Variants in PTPN13 observed in about 807,000 individuals in gnomAD.
PTPN13 encodes protein tyrosine phosphatase non-receptor type 13, also known as tyrosine-protein phosphatase non-receptor type 13.
A neutral mutation model predicts 284.0 loss-of-function variants in PTPN13; 191 were observed. The ratio of observed to expected loss-of-function variants is 0.67; its 90% CI spans 0.60 to 0.76. The LOEUF is 0.76. PTPN13 is among the 30% of genes least tolerant of loss of function. The pLI is 0.00. For synonymous variants in PTPN13, 986 were observed against 1,022.3 expected (o/e 0.96, Z 0.68); for missense variants, 2,797 against 2,939.9 (o/e 0.95, Z 1.12).
At chr4:86,637,861 A>G (rs1227625846) in intron 2 of PTPN13, among the ~76,000 whole-genome samples, 1 of 149,588 alleles carries the variant, frequency 6.7e-6, no homozygotes, top group Non-Finnish European at 1.5e-5. Context: ...AATAAAGGGT[A>G]TTCAATTAGG....
intron 8 of PTPN13, 49 bp from the exon 9 acceptor site, chr4:86,716,975 C>G (rs772156362): frequency 7.7e-7 from 1 of 1,298,282 alleles, no homozygotes; most frequent in Non-Finnish European, 1.1e-6. Context: ...TGAAATTACT[C>G]TCATGTTTCT....
intron 24 of PTPN13, among the ~76,000 whole-genome samples, chr4:86,764,284 A>C (rs552647009): frequency 6.6e-6 from 1 of 152,288 alleles, no homozygotes; most frequent in Admixed American, 6.5e-5. Flanking sequence ...CATATCTAGC[A>C]GTTTGACCTG....
At chr4:86,624,804 A>G (rs1721648592) in intron 1 of PTPN13, among the ~76,000 whole-genome samples, 2 of 152,148 alleles carry the variant, frequency 1.3e-5, no homozygotes, top group Non-Finnish European at 2.9e-5. Context: ...AATCTGGTTA[A>G]CATAGTCAGA....
rs963190786 is a variant in PTPN13 at position 86,746,231 on chromosome 4, A to G, written c.2650+1103A>G. Among the ~76,000 whole-genome samples the G allele has an allele frequency of 5.9e-5, 9 of 152,238 alleles. No individual in the cohort carries two copies. In the East Asian group the frequency reaches 1.7e-3, roughly 29 times the overall value. Reference sequence around the variant, plus strand: ...GAACTGAAATATTTAAATTTCAGAGAGATAAAACTGATTTGGTGATTTCTG... The same window carrying G: ...GAACTGAAATATTTAAATTTCAGAGGGATAAAACTGATTTGGTGATTTCTG... On this transcript the variant is annotated intron_variant, in intron 17 of 47. Transcript: ENST00000411767.
intron 1 of PTPN13, among the ~76,000 whole-genome samples, chr4:86,630,301 T>C (rs1287555939): frequency 6.6e-6 from 1 of 152,138 alleles, no homozygotes; most frequent in Non-Finnish European, 1.5e-5. Context: ...GAATGAAAAC[T>C]TATATAGTAA....
intron 1 of PTPN13, among the ~76,000 whole-genome samples, chr4:86,632,173 C>A (rs1479785739): frequency 6.6e-6 from 1 of 152,076 alleles, no homozygotes; most frequent in South Asian, 2.1e-4. Context: ...ATTAAAAGTA[C>A]CTAGTCAGTA....
intron 3 of PTPN13, among the ~76,000 whole-genome samples, chr4:86,686,320 A>C (rs1232212078): frequency 6.6e-6 from 1 of 151,648 alleles, no homozygotes. Flanking sequence ...GTGCCACTGC[A>C]CTCCAGCCTG....
chr4:86,735,086 G>A (rs1735354574), intron 14 of PTPN13, among the ~76,000 whole-genome samples: 1 of 151,946 alleles, frequency 6.6e-6, no homozygotes, highest in Non-Finnish European at 1.5e-5. Context: ...AAGTTATCCT[G>A]TTTTGGAGTT....
chr4:86,770,597 C>T (rs1739874276), intron 30 of PTPN13, among the ~76,000 whole-genome samples: 1 of 152,058 alleles, frequency 6.6e-6, no homozygotes, highest in African/African-American at 2.4e-5. Flanking sequence ...TGATTTGAGG[C>T]ACCAGATAGG....
intron 9 of PTPN13, 72 bp downstream of exon 9, chr4:86,717,189 A>ATT (rs35080587): frequency 0.12 from 89,677 of 728,374 alleles, 773 homozygotes; most frequent in Non-Finnish European, 0.14. Context: ...ATTAAATGGA[A>ATT]TTTTTTTTTT....
intron 3 of PTPN13, among the ~76,000 whole-genome samples, chr4:86,677,407 C>A (rs182971988): frequency 6.6e-6 from 1 of 151,130 alleles, no homozygotes; most frequent in Admixed American, 6.6e-5. Context: ...CTCCACCTCC[C>A]GGGTTCAAGT....
intron 24 of PTPN13, 72 bp from the exon 25 acceptor site, chr4:86,764,521 A>G: frequency 8.4e-7 from 1 of 1,193,016 alleles, no homozygotes. Flanking sequence ...AAAAAAAAAG[A>G]AATTAAAAAA....
rs200400344 is a variant in PTPN13, at chr4:86,701,703, G to A, written c.1097G>A (p.Arg366Gln). ...PQKMDPIYHT[R>Q]ELPTSSAISS... is the part of the protein sequence containing the mutation. The stretch of plus-strand genomic sequence containing the variant: ...AAAATGGATCCAATATATCACACTC[G>A]AGAATTGCCCACCTCCTCAGCAATA... Residue 366 changes from arginine to glutamine, a missense_variant, in exon 7 of 48, where the codon CGA (arginine) becomes CAA (glutamine). Physicochemically the swap from Arg to Gln is conservative, Grantham distance 43. Coordinates refer to ENST00000411767, the MANE Select transcript of PTPN13 (RefSeq NM_080683.3). 3.0e-4 allele frequency: 492 copies of A among 1,613,914 alleles called. 1 individual carries two copies. In the East Asian group the frequency reaches 8.8e-3, roughly 29 times the overall value.
intron 2 of PTPN13, among the ~76,000 whole-genome samples, chr4:86,635,651 A>G (rs759667609): frequency 5.3e-5 from 8 of 152,156 alleles, no homozygotes; most frequent in African/African-American, 1.2e-4. Flanking sequence ...TCACAGTTCA[A>G]TGTGGAAAAT....
chr4:86,775,108 G>T, intron 33 of PTPN13, 63 bp from the exon 34 acceptor site: 1 of 1,214,128 alleles, frequency 8.2e-7, no homozygotes, highest in South Asian at 1.6e-5. Context: ...GTATTTTCTT[G>T]GCAATTTAGC....
chr4:86,647,540 GAAAAATTTT>G (rs1724582792), intron 2 of PTPN13, among the ~76,000 whole-genome samples: 4 of 151,586 alleles, frequency 2.6e-5, no homozygotes, highest in South Asian at 2.1e-4. Context: ...TTAAAAATGA[GAAAAATTTT>G]AAAAATTTTA....
At chr4:86,770,040 C>T (rs2149270297) in intron 29 of PTPN13, 57 bp downstream of exon 29, 2 of 1,611,424 alleles carry the variant, frequency 1.2e-6, no homozygotes, top group Non-Finnish European at 1.7e-6. Context: ...ATTGGCCTTT[C>T]AGAATGGTTT....
At chr4:86,719,583 C>G (rs1290099773) in intron 9 of PTPN13, among the ~76,000 whole-genome samples, 3 of 152,098 alleles carry the variant, frequency 2.0e-5, no homozygotes, top group Non-Finnish European at 4.4e-5. Flanking sequence ...AACTAATTTG[C>G]TCTCCCAACA....
At chr4:86,810,468 A>G (rs1745108309) in intron 46 of PTPN13, among the ~76,000 whole-genome samples, 1 of 150,676 alleles carries the variant, frequency 6.6e-6, no homozygotes, top group Admixed American at 6.7e-5. Flanking sequence ...AAATTACTAT[A>G]AGAGTATAAT....
Sources: allele counts gnomAD v4.1 joint callset (sites outside exome capture counted in the v4.1 genomes callset), GRCh38; gene constraint gnomAD v4.1.1; transcripts MANE v1.5; gene names NCBI Gene and HGNC (gene_info 2026-07-23, HGNC 2026-07-21).